The following LIMCH1 variants were observed in gnomAD, a reference collection of about 807,000 sequenced individuals.
LIMCH1 encodes the protein LIM and calponin homology domains-containing protein 1.
A neutral mutation model predicts 176.5 loss-of-function variants in LIMCH1; 113 were observed. That is an observed-to-expected ratio of 0.64 (90% CI 0.55 to 0.75). The LOEUF (loss-of-function observed/expected upper bound fraction) is 0.75, where lower values mean the gene tolerates loss of function less well. LIMCH1 is among the 30% of genes least tolerant of loss of function. The pLI, the probability that LIMCH1 is intolerant of heterozygous loss-of-function variation, is 0.00. For synonymous variants in LIMCH1, 619 were observed against 645.9 expected, an observed-to-expected ratio of 0.96 and a Z score of 0.63; for missense variants, 1,674 against 1,814.9, an observed-to-expected ratio of 0.92 and a Z score of 1.41.
chr4:41,381,101 CCACTGAATGCCAGG>C (rs1220201500), intron 1 of LIMCH1, among the ~76,000 whole-genome samples: 1 of 152,160 alleles, frequency 6.6e-6, no homozygotes, highest in Non-Finnish European at 1.5e-5. Context: ...AATATCCAAG[CCACTGAATGCCAGG>C]CACTGAATGC....
At chr4:41,609,758 A>C (rs1359336658) in intron 4 of LIMCH1, 1 of 407,830 alleles carries the variant, frequency 2.5e-6, no homozygotes, top group Non-Finnish European at 4.9e-6. Flanking sequence ...CAAGGGACTG[A>C]GATTCTAGAT....
In LIMCH1 at chr4:41,620,633, G is replaced by T. The variant is rs961458537; in HGVS notation, c.668G>T (p.Arg223Leu). 2.0e-6 allele frequency: 3 copies of T among 1,536,054 alleles called. No individual in the cohort carries two copies. The highest frequency in any genetic ancestry group is 3.9e-5 in the Admixed American group (2 of 50,984). Residue 223 changes from arginine to leucine, a missense_variant, in exon 7 of 32, where the codon CGC (arginine) becomes CTC (leucine). Transcript: ENST00000503057. ...AAAGATGCTGCTGAGATCCAAAAGC[G>T]CAAAAGGCTAGAGCAAGCTGGAATC... ...EEKDAAEIQKRKRLEQAGIKV... is the reference protein window; with the variant it reads ...EEKDAAEIQKLKRLEQAGIKV...
At position 41,443,465 on chromosome 4, in the gene LIMCH1, A is replaced by G. The variant is rs148320310; in HGVS notation, c.97-51071A>G. Among the ~76,000 whole-genome samples, 963 of 152,330 alleles carry G rather than the reference A, an allele frequency of 6.3e-3. 37 individuals are homozygous for G. The South Asian group carries it at 0.11, about 18-fold the overall frequency. ...GAATCAGTGGATAAACACATTTAAT[A>G]GTAGTATGGACTTTGCTCTTATTGC... On this transcript the variant is annotated intron_variant, in intron 1 of 26. Coordinates refer to the LIMCH1 transcript ENST00000313860.
intron 1 of LIMCH1, among the ~76,000 whole-genome samples, chr4:41,417,868 A>G (rs767489985): frequency 1.3e-5 from 2 of 152,184 alleles, no homozygotes; most frequent in African/African-American, 2.4e-5. Context: ...TTTTTTTACA[A>G]TGAGCATGTA....
At chr4:41,379,490 C>G (rs1024385545) in intron 1 of LIMCH1, among the ~76,000 whole-genome samples, 7 of 152,164 alleles carry the variant, frequency 4.6e-5, no homozygotes, top group Non-Finnish European at 8.8e-5. Flanking sequence ...ACCATAACTT[C>G]CTAAGAAGTT....
chr4:41,603,941 G>T, intron 3 of LIMCH1, 36 bp downstream of exon 3: 1 of 1,568,498 alleles, frequency 6.4e-7, no homozygotes, highest in Non-Finnish European at 8.8e-7. Flanking sequence ...TATCTTTGAT[G>T]GTTCAAGTGT....
At chr4:41,627,618 C>G (rs1426442849) in intron 8 of LIMCH1, among the ~76,000 whole-genome samples, 1 of 152,202 alleles carries the variant, frequency 6.6e-6, no homozygotes, top group African/African-American at 2.4e-5. Context: ...AAGCCAGTTT[C>G]CTTTTGCCAA....
intron 18 of LIMCH1, among the ~76,000 whole-genome samples, chr4:41,655,437 A>G (rs2094435893): frequency 6.6e-6 from 1 of 152,202 alleles, no homozygotes; most frequent in African/African-American, 2.4e-5. Context: ...AATATTTAAT[A>G]CATTTTTCAG....
At position 41,538,276 on chromosome 4, in the gene LIMCH1, C is replaced by A; in HGVS notation, c.-315C>A. ...GCTGTGCTGGGGCTGACGAGGAGCA[C>A]ACAGGAGAGATGCCCCTCCCATCTC... On this transcript the variant is annotated 5_prime_UTR_variant, in exon 1 of 32. Transcript: ENST00000503057. 1.0e-6 allele frequency: 1 copy of A among 985,446 alleles called. No homozygotes were observed. Among genetic ancestry groups the A allele is most frequent in the Non-Finnish European group, 1.2e-6 (1 of 829,964 alleles). The allele number at this position is 985,446 out of a possible 1,614,324, so 61.0% of individuals were successfully genotyped here. A position where few individuals can be genotyped will look rare whatever the true frequency, so the allele number is the denominator to read the frequency against.
upstream of LIMCH1, chr4:41,538,016 C>T (rs547865998): frequency 3.7e-6 from 1 of 271,646 alleles, no homozygotes; most frequent in African/African-American, 2.3e-5. Flanking sequence ...GTGGCTGACA[C>T]AAAGCTCTCT....
intron 1 of LIMCH1, among the ~76,000 whole-genome samples, chr4:41,465,317 C>T (rs888575910): frequency 5.3e-5 from 8 of 152,178 alleles, no homozygotes; most frequent in African/African-American, 1.2e-4. Flanking sequence ...GAGAAATCTG[C>T]TTGATGAGTC....
chr4:41,662,965 A>G lies in LIMCH1; in HGVS notation c.3272A>G (p.Glu1091Gly), dbSNP rs778667620. The change falls in exon 20 of 32, where the codon GAG becomes GGG. Residue 1091 changes from glutamate (E) to glycine (G), a missense_variant. Around this residue, in one of 3 missense-constraint regions of LIMCH1, gnomAD observed 1,015 missense variants for 1,102.5 expected, o/e 0.92. Transcript: ENST00000503057. ...KPENEMSGKV[E>G]LVLSQKVVKP... ...GAAAATGAAATGAGTGGAAAGGTGGAGTTGGTGCTGTCACAAAAGGTGAAG... is the reference window on the plus strand; with the variant it reads ...GAAAATGAAATGAGTGGAAAGGTGGGGTTGGTGCTGTCACAAAAGGTGAAG... 1.9e-6 allele frequency: 3 copies of G among 1,613,832 alleles called. No homozygotes were observed. Among genetic ancestry groups the G allele is most frequent in the African/African-American group, 2.7e-5 (2 of 75,020 alleles).
chr4:41,377,983 A>T lies in LIMCH1; in HGVS notation c.96+17047A>T, dbSNP rs2055023261. On this transcript the variant is annotated intron_variant, in intron 1 of 26. Transcript: ENST00000313860. ...GCACTGGGGACCAAGTTTTCAACAC[A>T]TGAATTCTGGGGTACACACTTAAGT... Among the ~76,000 whole-genome samples, 3 of 152,314 alleles carry T rather than the reference A, an allele frequency of 2.0e-5. No individual in the cohort carries two copies. The South Asian group carries it at 6.2e-4, about 32-fold the overall frequency.
intron 2 of LIMCH1, 119 bp from the exon 3 acceptor site, chr4:41,603,756 C>A: frequency 1.6e-6 from 1 of 636,770 alleles, no homozygotes; most frequent in Non-Finnish European, 2.7e-6. Flanking sequence ...AAAAATAATA[C>A]ATTCTTCTGA....
rs1294500881 is a variant in LIMCH1, at chr4:41,627,026, G to T, written c.1028+16G>T. Reference sequence around the variant, plus strand: ...AATATAAAAGGTGTGCATGGTGTGTGTGTGTGTGTGTGTGTGTGTGTGTGT... The same window carrying T: ...AATATAAAAGGTGTGCATGGTGTGTTTGTGTGTGTGTGTGTGTGTGTGTGT... On this transcript the variant is annotated intron_variant, in intron 8 of 31. Coordinates refer to ENST00000503057, the MANE Select transcript of LIMCH1 (RefSeq NM_001330672.2). 6.9e-7 allele frequency: 1 copy of T among 1,444,298 alleles called. No individual in the cohort carries two copies. The highest frequency in any genetic ancestry group is 1.3e-5 in the South Asian group (1 of 74,318). 89.5% of individuals were successfully genotyped at this position (1,444,298 alleles called of 1,614,324 possible). A position where few individuals can be genotyped will look rare whatever the true frequency, so the allele number is the denominator to read the frequency against.
intron 2 of LIMCH1, among the ~76,000 whole-genome samples, chr4:41,499,372 C>G (rs775542100): frequency 2.4e-4 from 36 of 152,118 alleles, no homozygotes; most frequent in Non-Finnish European, 4.9e-4. Flanking sequence ...AAACTTGACT[C>G]CTAAATGTTG....
chr4:41,594,996 G>T (rs1177462137), intron 1 of LIMCH1, among the ~76,000 whole-genome samples: 2 of 152,202 alleles, frequency 1.3e-5, no homozygotes, highest in Admixed American at 1.3e-4. Context: ...CCAGTCAGAG[G>T]ATACTTGCAC....
At chr4:41,370,752 T>C (rs1249313854) in intron 1 of LIMCH1, among the ~76,000 whole-genome samples, 1 of 152,186 alleles carries the variant, frequency 6.6e-6, no homozygotes, top group East Asian at 1.9e-4. Flanking sequence ...ACACTTACCA[T>C]GTACAAGCGG....
In LIMCH1 at chr4:41,599,013, A is replaced by ATT; in HGVS notation, c.-147_-146insTT. ...GAGTGACCTCCAGGATACATCCAAC[A>ATT]GAGTAACAGTCAAGTAAGTAAAGCG... On this transcript the variant is annotated 5_prime_UTR_variant, in exon 2 of 32. Coordinates refer to ENST00000503057, the MANE Select transcript of LIMCH1 (RefSeq NM_001330672.2). The ATT allele has an allele frequency of 6.2e-7, 1 of 1,603,762 alleles. No individual in the cohort carries two copies. Among genetic ancestry groups the ATT allele is most frequent in the Admixed American group, 1.7e-5 (1 of 59,934 alleles).
Sources: gnomAD v4.1 joint callset for allele counts (sites outside exome capture counted in the v4.1 genomes callset) on GRCh38, gnomAD v4.1.1 for gene constraint, gnomAD v4.1.1 regional missense constraint, MANE v1.5 for transcripts, NCBI Gene and HGNC (gene_info 2026-07-23, HGNC 2026-07-21) for gene names.